PRUNE1: variants seen among roughly 807,000 people sequenced by gnomAD.
PRUNE1 encodes the protein exopolyphosphatase PRUNE1.
Under a neutral mutation model 42.5 loss-of-function variants are expected in PRUNE1, and 25 were observed. The ratio of observed to expected loss-of-function variants is 0.59; its 90% confidence interval spans 0.43 to 0.82. PRUNE1 has a LOEUF of 0.82. Among genes scored for constraint, PRUNE1 ranks in the 40% least tolerant of loss-of-function variants. The pLI is 0.00. For missense variants in PRUNE1, 443 were observed against 539.3 expected, an observed-to-expected ratio of 0.82 and a Z score of 1.77; for synonymous variants, 203 against 217.1, an observed-to-expected ratio of 0.93 and a Z score of 0.57.
In PRUNE1 at chr1:151,033,747, G is replaced by A. The variant is rs188831803; in HGVS notation, c.934-59G>A. 1.2e-4 allele frequency: 186 copies of A among 1,505,502 alleles called. 1 individual carries two copies. Among genetic ancestry groups the A allele is most frequent in the Non-Finnish European group, 1.6e-4 (170 of 1,094,726 alleles). The allele number at this position is 1,505,502 out of a possible 1,614,324, so 93.3% of individuals were successfully genotyped here. Reference sequence around the variant, plus strand: ...TATAGAGGAAGCCTCTCACTTAGAAGCCCAGCACTTTGCTACAGCAAGTTG... The same window carrying A: ...TATAGAGGAAGCCTCTCACTTAGAAACCCAGCACTTTGCTACAGCAAGTTG... On this transcript the variant is annotated intron_variant, in intron 7 of 7. Transcript: ENST00000271620.
intron 1 of PRUNE1, among the ~76,000 whole-genome samples, chr1:151,013,128 C>A (rs1673880949): frequency 6.6e-6 from 1 of 152,162 alleles, no homozygotes; most frequent in African/African-American, 2.4e-5. Context: ...AAGTAAGAAG[C>A]AGAGCTGGAA....
chr1:151,032,244 C>CAAA (rs11452561), intron 7 of PRUNE1, among the ~76,000 whole-genome samples: 1 of 144,678 alleles, frequency 6.9e-6, no homozygotes, highest in Non-Finnish European at 1.5e-5. Flanking sequence ...GAATCCATTT[C>CAAA]AAAAAAAAAA....
chr1:151,029,088 C>A, intron 7 of PRUNE1, 144 bp downstream of exon 7: 1 of 731,842 alleles, frequency 1.4e-6, no homozygotes, highest in Non-Finnish European at 2.1e-6. Context: ...TGTTTCTGGA[C>A]CTGTTTCCTC....
chr1:151,027,788 G>A (rs587685689), intron 6 of PRUNE1, among the ~76,000 whole-genome samples: 63 of 151,408 alleles, frequency 4.2e-4, no homozygotes, highest in South Asian at 2.1e-3. Context: ...GTGTGCGCGC[G>A]CGTGTATGTA....
At position 151,035,271 on chromosome 1, in the gene PRUNE1, TTC is replaced by T. The variant is rs2102952663; in HGVS notation, c.*1039_*1040del. ...TCTCCTCTGCTTCTCTGTATTTTTC[TTC>T]TGTTATCCCTGGGGGTGCTCAGGTT... On this transcript the variant is annotated 3_prime_UTR_variant, in exon 8 of 8. Coordinates refer to ENST00000271620, the MANE Select transcript of PRUNE1 (RefSeq NM_021222.3). The T allele has an allele frequency of 6.6e-6, 1 of 152,436 alleles. No individual in the cohort carries two copies. The highest frequency in any genetic ancestry group is 2.1e-4 in the South Asian group (1 of 4,832). 9.4% of individuals were successfully genotyped at this position (152,436 alleles called of 1,614,324 possible). A position where few individuals can be genotyped will look rare whatever the true frequency, so the allele number is the denominator to read the frequency against.
In PRUNE1 at chr1:151,010,802, T is replaced by C. The variant is rs587628718; in HGVS notation, c.39+2131T>C. The stretch of plus-strand genomic sequence containing the variant: ...TCCTGAGTAGCTGGGATTACAAGTG[T>C]GCGCCACTATGCCTGGCTAAGTTTT... On this transcript the variant is annotated intron_variant, in intron 1 of 7. Transcript: ENST00000271620. 1.4e-3 allele frequency among the ~76,000 whole-genome samples: 220 copies of C among 151,742 alleles called. 1 individual carries two copies. The highest frequency in any genetic ancestry group is 2.1e-3 in the Non-Finnish European group (144 of 67,962).
intron 7 of PRUNE1, among the ~76,000 whole-genome samples, chr1:151,029,365 G>GTT (rs34073279): frequency 7.6e-4 from 65 of 85,808 alleles, no homozygotes; most frequent in African/African-American, 1.5e-3. Context: ...AAGCTGGAAA[G>GTT]TTTTTTTTTT....
intron 1 of PRUNE1, among the ~76,000 whole-genome samples, chr1:151,015,544 G>C (rs1442491227): frequency 6.7e-6 from 1 of 148,672 alleles, no homozygotes; most frequent in Admixed American, 6.9e-5. Context: ...TGAGGCAAGA[G>C]AATCTCTTGA....
intron 1 of PRUNE1, among the ~76,000 whole-genome samples, chr1:151,016,325 T>G (rs915285557): frequency 1.3e-5 from 2 of 152,154 alleles, no homozygotes; most frequent in Non-Finnish European, 2.9e-5. Flanking sequence ...AGCAGAATGC[T>G]TATACCTGGA....
intron 7 of PRUNE1, among the ~76,000 whole-genome samples, chr1:151,029,231 A>T (rs1303496199): frequency 2.0e-5 from 3 of 151,942 alleles, no homozygotes; most frequent in African/African-American, 7.3e-5. Context: ...CTACTTTGAA[A>T]GAACGAAATC....
chr1:151,033,172 G>A (rs1446485807), intron 7 of PRUNE1, among the ~76,000 whole-genome samples: 2 of 150,606 alleles, frequency 1.3e-5, no homozygotes, highest in Non-Finnish European at 3.0e-5. Context: ...TGCAACTTCT[G>A]TCTCCTGGGT....
At chr1:151,024,459 C>A in intron 3 of PRUNE1, 152 bp from the exon 4 acceptor site, 1 of 703,220 alleles carries the variant, frequency 1.4e-6, no homozygotes, top group Non-Finnish European at 2.3e-6. Context: ...CGCACCATTG[C>A]ACTCTAGCCT....
chr1:151,013,720 C>G (rs974740554), intron 1 of PRUNE1, among the ~76,000 whole-genome samples: 1 of 152,174 alleles, frequency 6.6e-6, no homozygotes, highest in Non-Finnish European at 1.5e-5. Context: ...CTAGAGAACA[C>G]TCGCTCCCCC....
At chr1:151,013,403 C>T (rs1431737354) in intron 1 of PRUNE1, among the ~76,000 whole-genome samples, 1 of 152,152 alleles carries the variant, frequency 6.6e-6, no homozygotes, top group Admixed American at 6.5e-5. Context: ...TTTGGCTGAG[C>T]GCAAGGGGTT....
chr1:151,028,779 C>G lies in PRUNE1; in HGVS notation c.775-7C>G. ...TCCTTCATCCCTCTCCGTTTCTTCCCTTTCAGGCCTTTCTGCAGAGGTCTA... is the reference window on the plus strand; with the variant it reads ...TCCTTCATCCCTCTCCGTTTCTTCCGTTTCAGGCCTTTCTGCAGAGGTCTA... On this transcript the variant is annotated splice_region_variant and splice_polypyrimidine_tract_variant and intron_variant, in intron 6 of 7. Transcript: ENST00000271620. 1.9e-6 allele frequency: 3 copies of G among 1,612,118 alleles called. No individual in the cohort carries two copies. Among genetic ancestry groups the G allele is most frequent in the Non-Finnish European group, 2.5e-6 (3 of 1,179,222 alleles).
rs373340343 is a variant in PRUNE1 at position 151,028,889 on chromosome 1, A to G, written c.878A>G (p.Asn293Ser). 1.9e-5 allele frequency: 31 copies of G among 1,613,756 alleles called. No individual in the cohort carries two copies. Among genetic ancestry groups the G allele is most frequent in the African/African-American group, 2.7e-5 (2 of 74,856 alleles). The stretch of plus-strand genomic sequence containing the variant: ...ATGACTATCTTTTTCAACACTCACA[A>G]TGAGCCAGTGCGGCAGTTGGCTATT... ...VAMTIFFNTH[N>S]EPVRQLAIFC... is the part of the protein sequence containing the mutation. Residue 293 changes from asparagine (N) to serine (S), a missense_variant, in exon 7 of 8, where the codon AAT becomes AGT. Asn to Ser is a conservative substitution (Grantham distance 46). Transcript: ENST00000271620.
intron 1 of PRUNE1, among the ~76,000 whole-genome samples, chr1:151,010,135 C>G (rs1049905796): frequency 6.6e-6 from 1 of 152,138 alleles, no homozygotes; most frequent in African/African-American, 2.4e-5. Context: ...CAGGGTCTCA[C>G]TCTGTTGCCC....
At position 151,028,804 on chromosome 1, in the gene PRUNE1, A is replaced by G. The variant is rs779183657; in HGVS notation, c.793A>G (p.Asn265Asp). Residue 265 changes from asparagine to aspartate, a missense_variant, in exon 7 of 8, where the codon AAC becomes GAC. Transcript: ENST00000271620. ...MDLEAFLQRSNLLADLHAFCQ... is the reference protein window; with the variant it reads ...MDLEAFLQRSDLLADLHAFCQ... The stretch of plus-strand genomic sequence containing the variant: ...CTTTCAGGCCTTTCTGCAGAGGTCT[A>G]ACCTCCTTGCAGATCTCCATGCTTT... 2 of 1,613,946 alleles carry G rather than the reference A, an allele frequency of 1.2e-6. No individual in the cohort carries two copies. The highest frequency in any genetic ancestry group is 1.3e-5 in the African/African-American group (1 of 74,906).
chr1:151,012,107 G>GAAAAA (rs34147552), intron 1 of PRUNE1, among the ~76,000 whole-genome samples: 10 of 152,114 alleles, frequency 6.6e-5, no homozygotes, highest in African/African-American at 2.2e-4. Flanking sequence ...AAAGAAAAAA[G>GAAAAA]AAAAAAAGTT....
Sources: allele counts gnomAD v4.1 joint callset (sites outside exome capture counted in the v4.1 genomes callset), GRCh38; gene constraint gnomAD v4.1.1; transcripts MANE v1.5; gene names NCBI Gene and HGNC (gene_info 2026-07-23, HGNC 2026-07-21).